RBPJ: variants seen among roughly 807,000 people sequenced by gnomAD.
RBPJ encodes recombination signal binding protein for immunoglobulin kappa J region, also known as recombining binding protein suppressor of hairless.
RBPJ carries 9 observed loss-of-function variants against 67.8 expected under a neutral mutation model. The observed-to-expected ratio is 0.13, with a 90% CI of 0.08 to 0.23. The LOEUF is 0.23. Ranked by LOEUF, RBPJ falls within the 10% of genes least tolerant of loss-of-function variation. The pLI is 1.00. For synonymous variants in RBPJ, 198 were observed against 203.3 expected (o/e 0.97, Z 0.22); for missense variants, 305 against 595.6 (o/e 0.51, Z 5.08).
chr4:26,271,485 AGTCT>A (rs931623007), intron 1 of RBPJ, among the ~76,000 whole-genome samples: 1 of 152,056 alleles, frequency 6.6e-6, no homozygotes, highest in African/African-American at 2.4e-5. Context: ...CCTGTGGCAA[AGTCT>A]GTCTGGCTAT....
chr4:26,270,010 G>A (rs566184062), intron 1 of RBPJ, among the ~76,000 whole-genome samples: 5 of 151,956 alleles, frequency 3.3e-5, no homozygotes, highest in African/African-American at 4.8e-5. Flanking sequence ...GGCCAGGCAC[G>A]GCGGCTCAGA....
intron 3 of RBPJ, among the ~76,000 whole-genome samples, chr4:26,410,461 A>G (rs1733908405): frequency 6.6e-6 from 1 of 152,242 alleles, no homozygotes; most frequent in African/African-American, 2.4e-5. Flanking sequence ...AGGTTAAAGA[A>G]TAAACTTTTT....
the RBPJ span, among the ~76,000 whole-genome samples, chr4:26,144,787 A>T: frequency 2.7e-3 from 409 of 152,330 alleles, 1 homozygote; most frequent in South Asian, 9.1e-3. Flanking sequence ...GTTCCATTGT[A>T]TAGCCTGGGT....
chr4:26,332,120 A>G (rs1191713328), intron 1 of RBPJ, among the ~76,000 whole-genome samples: 1 of 152,214 alleles, frequency 6.6e-6, no homozygotes. Flanking sequence ...TAGAAGTGAT[A>G]GTATATGGTA....
At position 26,336,484 on chromosome 4, in the gene RBPJ, TAAAACAAAAC is replaced by T. The variant is rs368735581; in HGVS notation, c.20+15454_20+15463del. Among the ~76,000 whole-genome samples the T allele has an allele frequency of 7.9e-5, 12 of 151,836 alleles. No individual in the cohort carries two copies. The East Asian group carries it at 9.7e-4, about 12-fold the overall frequency. On this transcript the variant is annotated intron_variant, in intron 1 of 10. Transcript: ENST00000355476. Reference sequence around the variant, plus strand: ...GGCAACATAGGAAGACCCCATCTCTTAAAACAAAACAAAACAAAACAAAACAAGTGTTGCG... The same window carrying T: ...GGCAACATAGGAAGACCCCATCTCTTAAAACAAAACAAAACAAGTGTTGCG...
chr4:26,390,612 T>C (rs889577604), intron 2 of RBPJ, among the ~76,000 whole-genome samples: 3 of 152,170 alleles, frequency 2.0e-5, no homozygotes, highest in African/African-American at 7.2e-5. Context: ...AAATTGGAAT[T>C]TGAAAGCAAT....
chr4:26,115,045 G>A, the RBPJ span, among the ~76,000 whole-genome samples: 2 of 152,006 alleles, frequency 1.3e-5, no homozygotes, highest in African/African-American at 2.4e-5. Flanking sequence ...GCTACTGCAC[G>A]TCTCTTCCCG....
intron 3 of RBPJ, among the ~76,000 whole-genome samples, chr4:26,407,752 C>T (rs140251591): frequency 6.6e-6 from 1 of 152,122 alleles, no homozygotes; most frequent in Non-Finnish European, 1.5e-5. Context: ...AAGGAAACCT[C>T]AGCTTATGCT....
chr4:26,124,141 G>A, the RBPJ span, among the ~76,000 whole-genome samples: 1 of 151,632 alleles, frequency 6.6e-6, no homozygotes, highest in Non-Finnish European at 1.5e-5. Flanking sequence ...GAGATTATGG[G>A]ACACCCATCA....
intron 2 of RBPJ, among the ~76,000 whole-genome samples, chr4:26,390,843 C>T (rs1049445667): frequency 3.3e-5 from 5 of 152,132 alleles, no homozygotes; most frequent in African/African-American, 9.7e-5. Flanking sequence ...TCACTTAAGG[C>T]TAGGAGTTTG....
intron 1 of RBPJ, among the ~76,000 whole-genome samples, chr4:26,349,093 C>CGCACGCGCGCGT (rs1726515410): frequency 1.3e-5 from 2 of 150,856 alleles, no homozygotes; most frequent in East Asian, 4.0e-4. Flanking sequence ...TGTGTGCGCG[C>CGCACGCGCGCGT]GCGCACGCAC....
At chr4:26,355,778 A>G (rs1209170751) in intron 1 of RBPJ, among the ~76,000 whole-genome samples, 1 of 152,222 alleles carries the variant, frequency 6.6e-6, no homozygotes, top group East Asian at 1.9e-4. Context: ...TGGGGACTGC[A>G]GGTACACTCA....
At position 26,433,539 on chromosome 4, in the gene RBPJ, T is replaced by G. The variant is rs1736413077; in HGVS notation, c.*2532T>G. The stretch of plus-strand genomic sequence containing the variant: ...CTTGTGTTTTTTTAACAAACATGTA[T>G]GTTTTATTTTGATAGTTTCTTTCCG... On this transcript the variant is annotated 3_prime_UTR_variant, in exon 11 of 11. Coordinates refer to ENST00000355476, the MANE Select transcript of RBPJ (RefSeq NM_015874.6). 6.6e-6 allele frequency: 1 copy of G among 152,230 alleles called. No homozygotes were observed. The highest frequency in any genetic ancestry group is 6.5e-5 in the Admixed American group (1 of 15,288). The allele number at this position is 152,230 out of a possible 1,614,324, so 9.4% of individuals were successfully genotyped here.
intron 1 of RBPJ, among the ~76,000 whole-genome samples, chr4:26,284,979 C>T (rs1177917174): frequency 6.6e-6 from 1 of 151,998 alleles, no homozygotes; most frequent in Non-Finnish European, 1.5e-5. Flanking sequence ...GCCTCAGCCT[C>T]CTGAGTAGCT....
At chr4:26,204,463 C>T (rs1718099089) in intron 1 of RBPJ, among the ~76,000 whole-genome samples, 1 of 152,180 alleles carries the variant, frequency 6.6e-6, no homozygotes, top group Admixed American at 6.5e-5. Context: ...GGGGACGGGT[C>T]TATGCAGCCC....
chr4:26,415,047 A>ATCC (rs550300855), intron 3 of RBPJ, among the ~76,000 whole-genome samples: 1 of 152,208 alleles, frequency 6.6e-6, no homozygotes, highest in South Asian at 2.1e-4. Context: ...TAAATGCAGT[A>ATCC]TCCATAATAG....
the RBPJ span, among the ~76,000 whole-genome samples, chr4:26,110,792 G>A: frequency 1.3e-5 from 2 of 152,158 alleles, no homozygotes; most frequent in Non-Finnish European, 2.9e-5. The surrounding 1 kb of genome is among the most constrained non-coding windows in gnomAD (Gnocchi z 4.5). Flanking sequence ...CTTCCATAAT[G>A]CTGGTGTGGG....
chr4:26,386,995 GATATAT>G (rs201382195), intron 2 of RBPJ, among the ~76,000 whole-genome samples: 1 of 150,794 alleles, frequency 6.6e-6, no homozygotes, highest in South Asian at 2.1e-4. Flanking sequence ...AAGAAAATGA[GATATAT>G]ATATATATGT....
chr4:26,300,366 A>G (rs1284971235), intron 1 of RBPJ, among the ~76,000 whole-genome samples: 2 of 152,308 alleles, frequency 1.3e-5, no homozygotes, highest in East Asian at 3.9e-4. Flanking sequence ...TCTAGACTTT[A>G]ACTAAAGGAA....
Sources: gnomAD v4.1 joint callset for allele counts (sites outside exome capture counted in the v4.1 genomes callset) on GRCh38, gnomAD v4.1.1 for gene constraint, Gnocchi (gnomAD v3.1) non-coding constraint, MANE v1.5 for transcripts, NCBI Gene and HGNC (gene_info 2026-07-23, HGNC 2026-07-21) for gene names.